The following DAB1 variants were observed in gnomAD, a reference collection of about 807,000 sequenced individuals.
DAB1 encodes the protein disabled homolog 1.
In DAB1, 15 loss-of-function variants were observed where a neutral mutation model predicts 64.6. The ratio of observed to expected loss-of-function variants is 0.23; its 90% confidence interval spans 0.16 to 0.36. DAB1 has a LOEUF of 0.36. DAB1 is among the 10% of genes least tolerant of loss of function. DAB1 has a pLI of 1.00. For synonymous variants in DAB1, 235 were observed against 251.9 expected, an observed-to-expected ratio of 0.93 and a Z score of 0.64; for missense variants, 596 against 706.7, an observed-to-expected ratio of 0.84 and a Z score of 1.78.
chr1:57,579,620 T>G (rs7550226), intron 7 of DAB1, among the ~76,000 whole-genome samples: 1 of 152,180 alleles, frequency 6.6e-6, no homozygotes, highest in South Asian at 2.1e-4. Flanking sequence ...CTAGTCAGAA[T>G]TAACTAGAGA....
intron 1 of DAB1, among the ~76,000 whole-genome samples, chr1:57,306,192 C>T (rs1181917191): frequency 2.0e-5 from 3 of 152,220 alleles, no homozygotes; most frequent in East Asian, 1.9e-4. Context: ...AAATCCAGAT[C>T]TAGAACCCAA....
chr1:57,536,690 A>AT (rs1203572744), intron 7 of DAB1, among the ~76,000 whole-genome samples: 1 of 148,084 alleles, frequency 6.8e-6, no homozygotes, highest in African/African-American at 2.5e-5. Flanking sequence ...CCATGAGACA[A>AT]GGAAAAAAAA....
At chr1:57,749,536 C>T (rs569661080) in intron 6 of DAB1, among the ~76,000 whole-genome samples, 12 of 152,280 alleles carry the variant, frequency 7.9e-5, no homozygotes, top group South Asian at 2.1e-4. Flanking sequence ...TGAGGTGGAA[C>T]GGAGTAGCCA....
At chr1:57,794,224 A>C (rs891287161) in intron 6 of DAB1, among the ~76,000 whole-genome samples, 2 of 152,168 alleles carry the variant, frequency 1.3e-5, no homozygotes, top group African/African-American at 4.8e-5. Flanking sequence ...TTTTGTCAAC[A>C]TCAGTGGAGA....
chr1:57,703,894 GA>G (rs1646936075), intron 6 of DAB1, among the ~76,000 whole-genome samples: 1 of 152,154 alleles, frequency 6.6e-6, no homozygotes, highest in African/African-American at 2.4e-5. Flanking sequence ...CAGGGAGACG[GA>G]TGGAACTGGA....
At chr1:58,347,097 T>A (rs1021749390) in intron 3 of DAB1, among the ~76,000 whole-genome samples, 8 of 151,690 alleles carry the variant, frequency 5.3e-5, no homozygotes, top group African/African-American at 1.9e-4. Context: ...TTGTTTTGTT[T>A]TGTTTTGTTT....
intron 1 of DAB1, among the ~76,000 whole-genome samples, chr1:57,317,180 C>T (rs926755860): frequency 2.6e-5 from 4 of 152,098 alleles, no homozygotes; most frequent in Non-Finnish European, 4.4e-5. Context: ...AACTGAGACC[C>T]CCAGTCCAAC....
chr1:57,128,738 A>C (rs527842240), intron 4 of DAB1, among the ~76,000 whole-genome samples: 1 of 152,240 alleles, frequency 6.6e-6, no homozygotes, highest in Non-Finnish European at 1.5e-5. Flanking sequence ...AGGCCCAAAT[A>C]GTCACTGTAA....
chr1:58,071,139 G>A (rs536885539), intron 5 of DAB1, among the ~76,000 whole-genome samples: 2 of 152,228 alleles, frequency 1.3e-5, no homozygotes, highest in East Asian at 1.9e-4. Context: ...AGCAAGAATG[G>A]CCAGATGGGC....
At chr1:57,913,948 G>A (rs1311881727) in intron 5 of DAB1, among the ~76,000 whole-genome samples, 1 of 152,150 alleles carries the variant, frequency 6.6e-6, no homozygotes, top group Non-Finnish European at 1.5e-5. Context: ...GGAAACAACA[G>A]GTGCTGGAGA....
chr1:58,383,497 C>T (rs1364334502), intron 3 of DAB1, among the ~76,000 whole-genome samples: 1 of 152,130 alleles, frequency 6.6e-6, no homozygotes, highest in Admixed American at 6.5e-5. Flanking sequence ...ATGTTCTCTG[C>T]CAATACCATT....
intron 4 of DAB1, among the ~76,000 whole-genome samples, chr1:58,174,870 T>C (rs1656379590): frequency 6.6e-6 from 1 of 152,190 alleles, no homozygotes; most frequent in Non-Finnish European, 1.5e-5. Flanking sequence ...CAGTGCTCTG[T>C]GTCTAGCTAA....
intron 7 of DAB1, among the ~76,000 whole-genome samples, chr1:57,577,803 C>T (rs569375252): frequency 1.3e-5 from 2 of 152,326 alleles, no homozygotes; most frequent in African/African-American, 4.8e-5. Flanking sequence ...TGCTGCCATT[C>T]TCTTGAAAAT....
At chr1:58,515,245 C>G (rs1466547275) in intron 2 of DAB1, among the ~76,000 whole-genome samples, 1 of 152,140 alleles carries the variant, frequency 6.6e-6, no homozygotes, top group East Asian at 1.9e-4. Context: ...ATAATTTCAG[C>G]TAAGCCATTC....
intron 4 of DAB1, among the ~76,000 whole-genome samples, chr1:57,133,128 T>G (rs890590773): frequency 2.0e-5 from 3 of 152,184 alleles, no homozygotes; most frequent in Non-Finnish European, 2.9e-5. Flanking sequence ...TAGCTCTAAG[T>G]AAGTGTTGGC....
At chr1:58,099,250 C>G (rs536139450) in intron 5 of DAB1, among the ~76,000 whole-genome samples, 1 of 152,312 alleles carries the variant, frequency 6.6e-6, no homozygotes, top group Non-Finnish European at 1.5e-5. Context: ...CTGTGTACTT[C>G]TGGCCACATC....
At chr1:57,605,934 C>T in intron 7 of DAB1, 1 of 687,692 alleles carries the variant, frequency 1.5e-6, no homozygotes, top group South Asian at 1.4e-5. Flanking sequence ...AAGGACTGTG[C>T]AAGTCAAAGA....
At chr1:57,010,854 C>T in intron 13 of DAB1, 64 bp from the exon 14 acceptor site, 1 of 1,212,112 alleles carries the variant, frequency 8.3e-7, no homozygotes, top group South Asian at 1.6e-5. Flanking sequence ...ATATAAGACA[C>T]CTGGATATAC....
chr1:57,604,403 T>C, intron 7 of DAB1, among the ~76,000 whole-genome samples: 1 of 116,416 alleles, frequency 8.6e-6, no homozygotes, highest in African/African-American at 3.2e-5. Context: ...TGTTTTATTA[T>C]AAAAGAAAAA....
Sources: gnomAD v4.1 joint callset for allele counts (sites outside exome capture counted in the v4.1 genomes callset) on GRCh38, gnomAD v4.1.1 for gene constraint, MANE v1.5 for transcripts, NCBI Gene and HGNC (gene_info 2026-07-23, HGNC 2026-07-21) for gene names.